The following PALD1 variants were observed in gnomAD, a reference collection of about 807,000 sequenced individuals.
PALD1 encodes phosphatase domain containing paladin 1.
PALD1 carries 57 observed loss-of-function variants against 96.0 expected under a neutral mutation model. That is an observed-to-expected ratio of 0.59 (90% CI 0.48 to 0.74). The LOEUF (loss-of-function observed/expected upper bound fraction) is 0.74. Ranked by LOEUF, PALD1 falls within the 30% of genes least tolerant of loss-of-function variation. The pLI is 0.00. For synonymous variants in PALD1, 464 were observed against 473.6 expected (o/e 0.98, Z 0.26); for missense variants, 1,063 against 1,143.7 (o/e 0.93, Z 1.02).
At chr10:70,549,730 C>T (rs1255169679) in intron 18 of PALD1, among the ~76,000 whole-genome samples, 1 of 152,228 alleles carries the variant, frequency 6.6e-6, no homozygotes, top group Non-Finnish European at 1.5e-5. Flanking sequence ...TGGCACTCCT[C>T]CCTGGACATT....
chr10:70,519,290 TG>T (rs1846679414), intron 1 of PALD1, among the ~76,000 whole-genome samples: 2 of 152,104 alleles, frequency 1.3e-5, no homozygotes, highest in Admixed American at 1.3e-4. Context: ...CGCCATGAAC[TG>T]GGTATCTTAA....
At chr10:70,533,877 G>C in intron 7 of PALD1, 45 bp from the exon 8 acceptor site, 1 of 1,500,510 alleles carries the variant, frequency 6.7e-7, no homozygotes, top group Non-Finnish European at 8.9e-7. Flanking sequence ...CTCAGCCCAG[G>C]GTTTCCTGGT....
upstream of PALD1, among the ~76,000 whole-genome samples, chr10:70,477,645 C>A (rs926964654): frequency 3.3e-5 from 5 of 152,314 alleles, no homozygotes; most frequent in Admixed American, 2.6e-4. Flanking sequence ...GAGACCACCA[C>A]AATGAGTGAT....
intron 18 of PALD1, among the ~76,000 whole-genome samples, chr10:70,562,897 C>G (rs2132447950): frequency 6.6e-6 from 1 of 152,258 alleles, no homozygotes; most frequent in South Asian, 2.1e-4. Flanking sequence ...CTCCCCAAAT[C>G]ATGGAGAACC....
At chr10:70,538,068 G>T (rs113224286) in intron 11 of PALD1, among the ~76,000 whole-genome samples, 162 bp downstream of exon 11, 1 of 152,180 alleles carries the variant, frequency 6.6e-6, no homozygotes. Context: ...TGAGCAGCTG[G>T]GCATAGGGAG....
rs1435570887 is a variant in PALD1 at position 70,534,457 on chromosome 10, T to A, written c.1055T>A (p.Met352Lys). The A allele has an allele frequency of 5.0e-6, 8 of 1,612,548 alleles. No individual in the cohort carries two copies. In the Admixed American group the frequency reaches 1.0e-4, roughly 20 times the overall value. Reference sequence around the variant, plus strand: ...CCCACGCAGGCCAAGCCCCTGCCTATGGAGCAGTTCCAGGTGATCCAGAGC... The same window carrying A: ...CCCACGCAGGCCAAGCCCCTGCCTAAGGAGCAGTTCCAGGTGATCCAGAGC... ...AAPTQAKPLP[M>K]EQFQVIQSFL... The change falls in exon 9 of 20, where the codon ATG (methionine) becomes AAG (lysine). Residue 352 changes from methionine to lysine, a missense_variant. Physicochemically the swap from Met to Lys is moderately conservative, Grantham distance 95. Transcript: ENST00000263563.
At position 70,540,031 on chromosome 10, in the gene PALD1, G is replaced by A. The variant is rs180792147; in HGVS notation, c.1908+269G>A. The stretch of plus-strand genomic sequence containing the variant: ...TGTATTGGAGTGTGTATTCTGTTAC[G>A]TATGTGCATATGTGTTATAAGATGT... On this transcript the variant is annotated intron_variant, in intron 15 of 19. Coordinates refer to ENST00000263563, the MANE Select transcript of PALD1 (RefSeq NM_014431.3). The surrounding 1 kb of genome is among the most constrained non-coding windows in gnomAD (Gnocchi z 4.2). Among the ~76,000 whole-genome samples, 28 of 152,130 alleles carry A rather than the reference G, an allele frequency of 1.8e-4. No individual in the cohort carries two copies. The highest frequency in any genetic ancestry group is 6.5e-4 in the African/African-American group (27 of 41,472).
chr10:70,528,049 C>T (rs186098806), intron 2 of PALD1, among the ~76,000 whole-genome samples: 144 of 152,076 alleles, frequency 9.5e-4, no homozygotes, highest in South Asian at 4.4e-3. Flanking sequence ...TTTGTCCTTG[C>T]GATGGTTTGC....
intron 1 of PALD1, among the ~76,000 whole-genome samples, chr10:70,505,094 A>T (rs996745546): frequency 3.9e-5 from 6 of 152,346 alleles, no homozygotes; most frequent in Admixed American, 1.3e-4. Context: ...TCAACATTTT[A>T]AAAAAGTCAC....
At chr10:70,468,864 T>C in the PALD1 span, among the ~76,000 whole-genome samples, 1 of 151,960 alleles carries the variant, frequency 6.6e-6, no homozygotes, top group Non-Finnish European at 1.5e-5. Context: ...AGGACTCTTA[T>C]TATGGTCCTA....
chr10:70,492,261 T>G (rs1846111177), intron 1 of PALD1, among the ~76,000 whole-genome samples: 1 of 152,070 alleles, frequency 6.6e-6, no homozygotes, highest in Admixed American at 6.6e-5. Flanking sequence ...TGACTTATGG[T>G]GGTTCCACTT....
chr10:70,520,663 G>GTTTCT (rs1220416956), intron 1 of PALD1, among the ~76,000 whole-genome samples: 1 of 142,754 alleles, frequency 7.0e-6, no homozygotes. Flanking sequence ...CCATAGGTCA[G>GTTTCT]TTTCTTTTCT....
chr10:70,482,503 G>A (rs529445462), intron 1 of PALD1, among the ~76,000 whole-genome samples: 23 of 152,292 alleles, frequency 1.5e-4, no homozygotes, highest in African/African-American at 5.3e-4. Context: ...AGGAGGCTCT[G>A]TTTGTCTTCC....
Position 70,534,490 on chromosome 10 carries a change from G to T in PALD1, c.1088G>T (p.Arg363Leu), listed in dbSNP as rs139036248. ...EQFQVIQSFLRMVPQGRRMVE... is the reference protein window; with the variant it reads ...EQFQVIQSFLLMVPQGRRMVE... Reference sequence around the variant, plus strand: ...TTCCAGGTGATCCAGAGCTTTCTCCGCATGGTGCCCCAGGGAAGGAGGATG... The same window carrying T: ...TTCCAGGTGATCCAGAGCTTTCTCCTCATGGTGCCCCAGGGAAGGAGGATG... The change falls in exon 9 of 20, where the codon CGC (arginine) becomes CTC (leucine). Residue 363 changes from arginine to leucine, a missense_variant. By Grantham distance (102) the Arg-to-Leu change is moderately radical. Coordinates refer to ENST00000263563, the MANE Select transcript of PALD1 (RefSeq NM_014431.3). The T allele has an allele frequency of 4.7e-5, 75 of 1,612,822 alleles. No homozygotes were observed. The African/African-American group carries it at 8.3e-4, about 18-fold the overall frequency.
chr10:70,496,921 C>T (rs1788531872), intron 1 of PALD1, among the ~76,000 whole-genome samples: 1 of 152,176 alleles, frequency 6.6e-6, no homozygotes, highest in Non-Finnish European at 1.5e-5. Context: ...CTTCACCTTC[C>T]AGTCTTAACA....
At position 70,540,462 on chromosome 10, in the gene PALD1, T is replaced by A. The variant is rs1012023578; in HGVS notation, c.1909-640T>A. Among the ~76,000 whole-genome samples the A allele has an allele frequency of 2.6e-5, 4 of 151,828 alleles. No homozygotes were observed. Among genetic ancestry groups the A allele is most frequent in the Non-Finnish European group, 5.9e-5 (4 of 67,922 alleles). On this transcript the variant is annotated intron_variant, in intron 15 of 19. Coordinates refer to ENST00000263563, the MANE Select transcript of PALD1 (RefSeq NM_014431.3). The surrounding 1 kb of genome is among the most constrained non-coding windows in gnomAD (Gnocchi z 4.2). ...GTAGGTCTGTGACTGTGGGTGTCTG[T>A]ATAGTGTGTGTGTTTACCGGACGTG... is the stretch of plus-strand genomic sequence containing the variant.
intron 1 of PALD1, among the ~76,000 whole-genome samples, chr10:70,483,735 A>G (rs539628339): frequency 6.6e-6 from 1 of 152,312 alleles, no homozygotes; most frequent in African/African-American, 2.4e-5. Context: ...TTTGGAAAGC[A>G]CAGAAGGGAC....
At chr10:70,504,808 T>C (rs1846355180) in intron 1 of PALD1, among the ~76,000 whole-genome samples, 1 of 152,228 alleles carries the variant, frequency 6.6e-6, no homozygotes, top group East Asian at 1.9e-4. Flanking sequence ...CACAGATATG[T>C]AATGTGAAAA....
chr10:70,554,151 A>T (rs891408307), intron 18 of PALD1, among the ~76,000 whole-genome samples: 1 of 152,232 alleles, frequency 6.6e-6, no homozygotes, highest in Non-Finnish European at 1.5e-5. Context: ...CCTCAAGGCC[A>T]TGCACTCTGG....
Sources: gnomAD v4.1 joint callset for allele counts (sites outside exome capture counted in the v4.1 genomes callset) on GRCh38, gnomAD v4.1.1 for gene constraint, Gnocchi (gnomAD v3.1) non-coding constraint, MANE v1.5 for transcripts, NCBI Gene and HGNC (gene_info 2026-07-23, HGNC 2026-07-21) for gene names.